Variants in ZDHHC4 observed in about 807,000 individuals in gnomAD.
ZDHHC4 encodes the protein palmitoyltransferase ZDHHC4.
ZDHHC4 carries 42 observed loss-of-function variants against 36.7 expected under a neutral mutation model. The observed-to-expected ratio is 1.14, with a 90% CI of 0.89 to 1.48. The LOEUF (loss-of-function observed/expected upper bound fraction) is 1.48, where lower values mean the gene tolerates loss of function less well. Ranked by LOEUF, ZDHHC4 falls within the 40% of genes most tolerant of loss-of-function variation. The pLI is 0.00. For synonymous variants in ZDHHC4, 189 were observed against 166.6 expected (o/e 1.13, Z -1.03); for missense variants, 457 against 421.5 (o/e 1.08, Z -0.74).
At chr7:6,581,703 A>G in intron 4 of ZDHHC4, 23 bp downstream of exon 4, 1 of 1,548,038 alleles carries the variant, frequency 6.5e-7, no homozygotes, top group Non-Finnish European at 8.9e-7. Context: ...CAGAGTTTAA[A>G]TATTCTCCTC....
At chr7:6,584,812 A>G in intron 6 of ZDHHC4, 1 of 642,314 alleles carries the variant, frequency 1.6e-6, no homozygotes, top group Non-Finnish European at 2.6e-6. Flanking sequence ...TCTTGTAGTC[A>G]GATTGCAAGT....
chr7:6,588,619 C>T lies in ZDHHC4; in HGVS notation c.744C>T (p.Tyr248=), dbSNP rs1781433996. 6.2e-6 allele frequency: 10 copies of T among 1,614,024 alleles called. No homozygotes were observed. Among genetic ancestry groups the T allele is most frequent in the Non-Finnish European group, 7.6e-6 (9 of 1,179,970 alleles). Residue 248 remains tyrosine, a splice_region_variant and synonymous_variant, in exon 8 of 8, where the codon TAC becomes TAT. Coordinates refer to ENST00000335965, the MANE Select transcript of ZDHHC4 (RefSeq NM_001134389.2). The part of the protein sequence containing the change: ...HVMDTVFLIQ[Y]LFLTFPRIVF... ...CACTACCTTTTCTCTGCTCCTAGTACCTGTTCCTGACTTTTCCACGGATTG... is the reference window on the plus strand; with the variant it reads ...CACTACCTTTTCTCTGCTCCTAGTATCTGTTCCTGACTTTTCCACGGATTG...
chr7:6,584,859 G>T, intron 6 of ZDHHC4, 157 bp from the exon 7 acceptor site: 1 of 1,086,194 alleles, frequency 9.2e-7, no homozygotes. Flanking sequence ...CTCCTGTACT[G>T]GACACCACAG....
chr7:6,582,544 G>C (rs1167300771), intron 5 of ZDHHC4, among the ~76,000 whole-genome samples: 1 of 152,130 alleles, frequency 6.6e-6, no homozygotes, highest in African/African-American at 2.4e-5. Context: ...TTAAGACGGA[G>C]TCACGCTTTG....
chr7:6,583,039 T>G (rs1418180703), intron 5 of ZDHHC4, among the ~76,000 whole-genome samples: 1 of 152,104 alleles, frequency 6.6e-6, no homozygotes, highest in Admixed American at 6.6e-5. Context: ...TAGCCACGCG[T>G]GCATTAGCAC....
In ZDHHC4 at chr7:6,589,114, G is replaced by C; in HGVS notation, c.*204G>C. The stretch of plus-strand genomic sequence containing the variant: ...GAAACCGGGCATCTCTGAAGTCCTG[G>C]TGTCAAGGGGATCAAGAGATGACTT... On this transcript the variant is annotated 3_prime_UTR_variant, in exon 8 of 8. Coordinates refer to ENST00000335965, the MANE Select transcript of ZDHHC4 (RefSeq NM_001134389.2). 1 of 600,342 alleles carries C rather than the reference G, an allele frequency of 1.7e-6. No individual in the cohort carries two copies. Among genetic ancestry groups the C allele is most frequent in the South Asian group, 2.0e-5 (1 of 49,302 alleles). 37.2% of individuals were successfully genotyped at this position (600,342 alleles called of 1,614,324 possible).
In ZDHHC4 at chr7:6,582,195, A is replaced by C. The variant is rs1258226599; in HGVS notation, c.314A>C (p.Tyr105Ser). 6.2e-7 allele frequency: 1 copy of C among 1,613,914 alleles called. No individual in the cohort carries two copies. The highest frequency in any genetic ancestry group is 8.5e-7 in the Non-Finnish European group (1 of 1,179,970). ...ELSLHYLLLP[Y>S]LLLGVNLFFF... Reference sequence around the variant, plus strand: ...TCCTTGCATTACCTTCTTCTGCCCTATCTGCTGCTAGGTGTAAACCTGTTT... The same window carrying C: ...TCCTTGCATTACCTTCTTCTGCCCTCTCTGCTGCTAGGTGTAAACCTGTTT... Residue 105 changes from tyrosine (Y) to serine (S), a missense_variant, in exon 5 of 8, where the codon TAT becomes TCT. By Grantham distance (144) the Tyr-to-Ser change is moderately radical. Coordinates refer to ENST00000335965, the MANE Select transcript of ZDHHC4 (RefSeq NM_001134389.2).
rs528280624 is a variant in ZDHHC4 at position 6,585,110 on chromosome 7, C to T, written c.591C>T (p.Tyr197=). 9.0e-5 allele frequency: 146 copies of T among 1,614,028 alleles called. No homozygotes were observed. The highest frequency in any genetic ancestry group is 1.2e-4 in the Non-Finnish European group (137 of 1,180,050). The change falls in exon 7 of 8, where the codon TAC becomes TAT. Residue 197 remains tyrosine, a synonymous_variant. Transcript: ENST00000335965. ...GAWNIRYFLI[Y]VLTLTASAAT... ...GGAACATCAGGTACTTCCTCATCTACGTCTTGACCTTGACGGCCTCGGCTG... is the reference window on the plus strand; with the variant it reads ...GGAACATCAGGTACTTCCTCATCTATGTCTTGACCTTGACGGCCTCGGCTG...
chr7:6,578,218 C>T (rs769814192), intron 1 of ZDHHC4, among the ~76,000 whole-genome samples: 9 of 152,218 alleles, frequency 5.9e-5, no homozygotes, highest in Non-Finnish European at 1.0e-4. Context: ...GCCTCGACCT[C>T]CTGGGCTCAA....
Position 6,588,583 on chromosome 7 carries a change from G to T in ZDHHC4, c.742-34G>T, listed in dbSNP as rs73674140. The T allele has an allele frequency of 2.9e-4, 471 of 1,602,694 alleles. 1 individual carries two copies. The African/African-American group carries it at 5.6e-3, about 19-fold the overall frequency. On this transcript the variant is annotated intron_variant, in intron 7 of 7. Transcript: ENST00000335965. ...TCACTCTCATGGATGTCACAGTCCA[G>T]CTGCCTAAAGCACTACCTTTTCTCT...
At chr7:6,580,963 C>T (rs567355952) in intron 3 of ZDHHC4, 38 of 395,558 alleles carry the variant, frequency 9.6e-5, no homozygotes, top group Non-Finnish European at 1.2e-4. Context: ...GGATTTAGTT[C>T]GTTGATGGCA....
intron 2 of ZDHHC4, among the ~76,000 whole-genome samples, chr7:6,579,484 G>T (rs1413022467): frequency 6.6e-6 from 1 of 152,204 alleles, no homozygotes; most frequent in Non-Finnish European, 1.5e-5. Flanking sequence ...ACAGGCATGA[G>T]CCACCACGCT....
intron 5 of ZDHHC4, 69 bp from the exon 6 acceptor site, chr7:6,583,237 A>C: frequency 6.5e-7 from 1 of 1,543,600 alleles, no homozygotes; most frequent in Non-Finnish European, 8.8e-7. Flanking sequence ...GTGTTTTATC[A>C]GGACGGGTTT....
At chr7:6,581,394 G>T (rs188482925) in intron 3 of ZDHHC4, among the ~76,000 whole-genome samples, 1 of 152,198 alleles carries the variant, frequency 6.6e-6, no homozygotes, top group African/African-American at 2.4e-5. Context: ...AGGTGCCTTC[G>T]TCAGAATCAG....
intron 2 of ZDHHC4, among the ~76,000 whole-genome samples, chr7:6,579,436 G>A (rs948566144): frequency 1.3e-5 from 2 of 152,062 alleles, no homozygotes; most frequent in Non-Finnish European, 2.9e-5. Context: ...TCCTGACCTC[G>A]TGATCCGCCT....
At chr7:6,578,877 T>C (rs1780629443) in intron 2 of ZDHHC4, 157 bp downstream of exon 2, 1 of 152,212 alleles carries the variant, frequency 6.6e-6, no homozygotes, top group South Asian at 2.1e-4. Flanking sequence ...CCGGTATCTT[T>C]TTTGGTTTGT....
At chr7:6,588,404 C>G (rs1335117142) in intron 7 of ZDHHC4, among the ~76,000 whole-genome samples, 1 of 152,210 alleles carries the variant, frequency 6.6e-6, no homozygotes, top group African/African-American at 2.4e-5. Flanking sequence ...AGTGTGAACA[C>G]TTCATTCATC....
At position 6,588,866 on chromosome 7, in the gene ZDHHC4, T is replaced by C; in HGVS notation, c.991T>C (p.Phe331Leu). ...GCTTCGGAGCAACCTTCAAGAGATCTTTCTACCTGCCTTTCCATGTCATGA... is the reference window on the plus strand; with the variant it reads ...GCTTCGGAGCAACCTTCAAGAGATCCTTCTACCTGCCTTTCCATGTCATGA... Reference protein sequence around the residue: ...HGLRSNLQEIFLPAFPCHERK... With the variant: ...HGLRSNLQEILLPAFPCHERK... Residue 331 changes from phenylalanine (F) to leucine (L), a missense_variant, in exon 8 of 8, where the codon TTT (phenylalanine) becomes CTT (leucine). Physicochemically the swap from Phe to Leu is conservative, Grantham distance 22. Transcript: ENST00000335965. The C allele has an allele frequency of 1.9e-6, 3 of 1,611,582 alleles. No individual in the cohort carries two copies. The highest frequency in any genetic ancestry group is 1.3e-5 in the African/African-American group (1 of 75,018).
intron 2 of ZDHHC4, among the ~76,000 whole-genome samples, chr7:6,579,128 C>T (rs1780654953): frequency 6.8e-6 from 1 of 146,978 alleles, no homozygotes; most frequent in Non-Finnish European, 1.5e-5. Context: ...CCGGCCAATT[C>T]CAGTACCTTT....
Sources: gnomAD v4.1 joint callset for allele counts (sites outside exome capture counted in the v4.1 genomes callset) on GRCh38, gnomAD v4.1.1 for gene constraint, MANE v1.5 for transcripts, NCBI Gene and HGNC (gene_info 2026-07-23, HGNC 2026-07-21) for gene names.